LMBR1: variants seen among roughly 807,000 people sequenced by gnomAD.
LMBR1 encodes limb region 1 protein homolog.
A neutral mutation model predicts 73.9 loss-of-function variants in LMBR1; 52 were observed. The ratio of observed to expected loss-of-function variants is 0.70; its 90% CI spans 0.56 to 0.89. LMBR1 has a LOEUF of 0.89. LMBR1 is among the 40% of genes least tolerant of loss of function. LMBR1 has a pLI of 0.00. For missense variants in LMBR1, 539 were observed against 579.8 expected (o/e 0.93, Z 0.72); for synonymous variants, 215 against 209.4 (o/e 1.03, Z -0.23).
chr7:156,714,736 G>A (rs368440425), intron 15 of LMBR1, among the ~76,000 whole-genome samples: 1 of 152,086 alleles, frequency 6.6e-6, no homozygotes, highest in Non-Finnish European at 1.5e-5. Flanking sequence ...CCCCAGGTTA[G>A]GACTCTATAC....
downstream of LMBR1, chr7:156,676,747 T>C (rs753266341): frequency 7.3e-5 from 64 of 877,370 alleles, no homozygotes; most frequent in Non-Finnish European, 1.1e-4. Context: ...AGTACTACAA[T>C]GTAATCTGTT....
At chr7:156,822,963 T>C (rs1264442056) in intron 4 of LMBR1, 2 of 151,856 alleles carry the variant, frequency 1.3e-5, no homozygotes, top group African/African-American at 4.8e-5. Context: ...AATATAAAAA[T>C]GATCTGGGCG....
intron 4 of LMBR1, among the ~76,000 whole-genome samples, chr7:156,807,990 T>C (rs1832439055): frequency 6.6e-6 from 1 of 152,176 alleles, no homozygotes. Flanking sequence ...GTATCTTGTA[T>C]GACTTAAAAT....
At chr7:156,784,949 T>C (rs531344251) in intron 5 of LMBR1, among the ~76,000 whole-genome samples, 1 of 152,310 alleles carries the variant, frequency 6.6e-6, no homozygotes, top group South Asian at 2.1e-4. Context: ...GACATCTGCA[T>C]CTCTTTTGCC....
intron 5 of LMBR1, among the ~76,000 whole-genome samples, 193 bp from the exon 6 acceptor site, chr7:156,763,988 TAA>T (rs1473477812): frequency 5.3e-5 from 8 of 152,064 alleles, no homozygotes; most frequent in Admixed American, 4.6e-4. Context: ...AAAATATTAT[TAA>T]GCTTGGATAA....
At chr7:156,676,278 A>G, downstream of LMBR1, 1 of 1,562,218 alleles carries the variant, frequency 6.4e-7, no homozygotes, top group Non-Finnish European at 8.7e-7. Flanking sequence ...AATAAAATGC[A>G]TGTGATTTTA....
In LMBR1 at chr7:156,789,236, AAAG is replaced by A. The variant is rs1277974655; in HGVS notation, c.423+7150_423+7152del. On this transcript the variant is annotated intron_variant, in intron 5 of 16. Transcript: ENST00000353442. ...CTGCTGATCTTATTTTTAATCCCTA[AAAG>A]AAGACACATTCACATACATATTTTT... Among the ~76,000 whole-genome samples the A allele has an allele frequency of 5.9e-5, 9 of 152,218 alleles. No homozygotes were observed. In the East Asian group the frequency reaches 1.7e-3, roughly 29 times the overall value.
At chr7:156,734,015 A>G (rs887396952) in intron 10 of LMBR1, 162 bp downstream of exon 10, 1 of 478,176 alleles carries the variant, frequency 2.1e-6, no homozygotes, top group African/African-American at 2.0e-5. Flanking sequence ...ATGTAAACTT[A>G]TCCTCTCCCC....
chr7:156,707,905 C>T (rs942046512), intron 15 of LMBR1, among the ~76,000 whole-genome samples: 5 of 152,000 alleles, frequency 3.3e-5, no homozygotes, highest in Admixed American at 6.6e-5. Flanking sequence ...TATCCCTGTT[C>T]GTTCATGATA....
chr7:156,737,685 G>A (rs1426577264), intron 9 of LMBR1, among the ~76,000 whole-genome samples: 2 of 151,984 alleles, frequency 1.3e-5, no homozygotes, highest in Non-Finnish European at 2.9e-5. Flanking sequence ...TAAATTTCAA[G>A]GATCCTTTTC....
chr7:156,687,958 A>G (rs1380856862), intron 16 of LMBR1, 72 bp downstream of exon 16: 2 of 1,329,272 alleles, frequency 1.5e-6, no homozygotes, highest in Admixed American at 5.0e-5. Flanking sequence ...ATAGCTGAAG[A>G]TGTAATATTA....
chr7:156,875,346 C>T (rs1398355450), intron 1 of LMBR1, among the ~76,000 whole-genome samples: 2 of 152,190 alleles, frequency 1.3e-5, no homozygotes, highest in Non-Finnish European at 2.9e-5. Flanking sequence ...CTAAGAATAA[C>T]TGCCATTCCT....
In LMBR1 at chr7:156,772,456, T is replaced by A. The variant is rs114007435; in HGVS notation, c.424-8661A>T. Among the ~76,000 whole-genome samples, 747 of 152,282 alleles carry A rather than the reference T, an allele frequency of 4.9e-3. 4 individuals carry two copies. Among genetic ancestry groups the A allele is most frequent in the African/African-American group, 0.017 (720 of 41,552 alleles). On this transcript the variant is annotated intron_variant, in intron 5 of 16. Transcript: ENST00000353442. ...ATGGAACAGGCAAAAGCTGGAAGCATAGCCCCTTGAGAACCGTAACAAGAC... is the reference window on the plus strand; with the variant it reads ...ATGGAACAGGCAAAAGCTGGAAGCAAAGCCCCTTGAGAACCGTAACAAGAC...
intron 9 of LMBR1, among the ~76,000 whole-genome samples, chr7:156,754,391 G>C (rs1417866197): frequency 6.6e-6 from 1 of 152,012 alleles, no homozygotes; most frequent in Non-Finnish European, 1.5e-5. Context: ...CTACAGCAAA[G>C]CACTTCTTGG....
chr7:156,852,483 A>T (rs1796367138), intron 1 of LMBR1, among the ~76,000 whole-genome samples: 1 of 152,234 alleles, frequency 6.6e-6, no homozygotes, highest in African/African-American at 2.4e-5. Flanking sequence ...CATTAGATTT[A>T]AAAAATTATA....
At chr7:156,787,799 C>T (rs563331501) in intron 5 of LMBR1, among the ~76,000 whole-genome samples, 1 of 152,232 alleles carries the variant, frequency 6.6e-6, no homozygotes, top group African/African-American at 2.4e-5. Context: ...TTTTTAGAGA[C>T]GGAGTCTCGC....
At chr7:156,864,129 G>A (rs1314270910) in intron 1 of LMBR1, among the ~76,000 whole-genome samples, 1 of 152,096 alleles carries the variant, frequency 6.6e-6, no homozygotes, top group East Asian at 1.9e-4. Flanking sequence ...ACTCCAGCCT[G>A]GGTGAAAGCA....
chr7:156,859,039 A>C (rs1382316664), intron 1 of LMBR1, among the ~76,000 whole-genome samples: 1 of 152,150 alleles, frequency 6.6e-6, no homozygotes, highest in Admixed American at 6.5e-5. Context: ...AGATCACCTG[A>C]GGTCAGGAGT....
intron 15 of LMBR1, among the ~76,000 whole-genome samples, chr7:156,722,800 TTTTC>T (rs1434188005): frequency 6.6e-6 from 1 of 152,288 alleles, no homozygotes; most frequent in African/African-American, 2.4e-5. Flanking sequence ...CATTAGTTTG[TTTTC>T]TTTGTGTTAA....
Sources: gnomAD v4.1 joint callset for allele counts (sites outside exome capture counted in the v4.1 genomes callset) on GRCh38, gnomAD v4.1.1 for gene constraint, MANE v1.5 for transcripts, NCBI Gene and HGNC (gene_info 2026-07-23, HGNC 2026-07-21) for gene names.